NLRP4: variants seen among roughly 807,000 people sequenced by gnomAD.
NLRP4 encodes NACHT, LRR and PYD domains-containing protein 4.
In NLRP4, 44 loss-of-function variants were observed where a neutral mutation model predicts 84.7. The ratio of observed to expected loss-of-function variants is 0.52; its 90% CI spans 0.41 to 0.67. The LOEUF (loss-of-function observed/expected upper bound fraction) is 0.67, where lower values mean the gene tolerates loss of function less well. Ranked by LOEUF, NLRP4 falls within the 30% of genes least tolerant of loss-of-function variation. The pLI, the probability that NLRP4 is intolerant of heterozygous loss-of-function variation, is 0.00. For missense variants in NLRP4, 1,260 were observed against 1,219.4 expected (o/e 1.03, Z -0.50); for synonymous variants, 544 against 476.4 (o/e 1.14, Z -1.85).
chr19:55,871,846 C>CCTT (rs1555810626), intron 7 of NLRP4, among the ~76,000 whole-genome samples: 2 of 142,128 alleles, frequency 1.4e-5, no homozygotes, highest in South Asian at 4.4e-4. Context: ...CAGAAATAAT[C>CCTT]TTTTTTTTTT....
chr19:55,845,812 G>T (rs1983773412), intron 1 of NLRP4, among the ~76,000 whole-genome samples: 1 of 146,448 alleles, frequency 6.8e-6, no homozygotes, highest in Admixed American at 6.7e-5. Context: ...TTTTTTGGCT[G>T]CATAAATGTC....
intron 3 of NLRP4, among the ~76,000 whole-genome samples, chr19:55,860,098 G>T (rs1452951593): frequency 6.7e-6 from 1 of 150,046 alleles, no homozygotes; most frequent in Non-Finnish European, 1.5e-5. Flanking sequence ...CCATTCTCCT[G>T]CCTCGGCCTC....
At chr19:55,867,660 GT>G (rs753170853) in intron 5 of NLRP4, 48 bp from the exon 6 acceptor site, 2 of 1,553,492 alleles carry the variant, frequency 1.3e-6, no homozygotes, top group Admixed American at 3.4e-5. Flanking sequence ...AGAGGAATGA[GT>G]CCAGGAACTA....
intron 3 of NLRP4, among the ~76,000 whole-genome samples, chr19:55,859,462 A>C (rs777785911): frequency 6.6e-6 from 1 of 152,086 alleles, no homozygotes; most frequent in Non-Finnish European, 1.5e-5. Context: ...CCCATTACAG[A>C]AGGGGGAATA....
chr19:55,859,944 A>G (rs1304696664), intron 3 of NLRP4, among the ~76,000 whole-genome samples: 1 of 125,020 alleles, frequency 8.0e-6, no homozygotes, highest in Non-Finnish European at 1.9e-5. Flanking sequence ...AAAAAAAAAA[A>G]AAAAAAAACA....
chr19:55,861,744 A>T (rs1984765666), intron 4 of NLRP4, among the ~76,000 whole-genome samples, 197 bp downstream of exon 4: 1 of 152,160 alleles, frequency 6.6e-6, no homozygotes, highest in Non-Finnish European at 1.5e-5. Flanking sequence ...GGGTGTTAAG[A>T]TGCATCCCTG....
rs765085918 is a variant in NLRP4, at chr19:55,878,810, T to C, written c.2713T>C (p.Leu905=). ...TTATTGCAGGTTGGAAGAATGTGGG[T>C]TAACGAGCACCTGCTGTAAGGATCT... ...LEILGLEECG[L]TSTCCKDLAS... Residue 905 remains leucine, a synonymous_variant, in exon 9 of 10, where the codon TTA becomes CTA. Coordinates refer to ENST00000301295, the MANE Select transcript of NLRP4 (RefSeq NM_134444.5). 4 of 1,612,308 alleles carry C rather than the reference T, an allele frequency of 2.5e-6. No homozygotes were observed. The highest frequency in any genetic ancestry group is 2.2e-5 in the East Asian group (1 of 44,834).
chr19:55,853,054 C>G (rs2123020928), intron 2 of NLRP4, among the ~76,000 whole-genome samples: 1 of 152,296 alleles, frequency 6.6e-6, no homozygotes, highest in South Asian at 2.1e-4. Flanking sequence ...ATGTATTTAG[C>G]CAAAGTTCAC....
At chr19:55,849,928 T>A (rs1396192815) in intron 1 of NLRP4, among the ~76,000 whole-genome samples, 22 of 146,838 alleles carry the variant, frequency 1.5e-4, no homozygotes, top group African/African-American at 5.2e-4. Flanking sequence ...CGGTGTAATT[T>A]CCGTAGCCGC....
intron 1 of NLRP4, among the ~76,000 whole-genome samples, chr19:55,849,357 TA>T (rs1422024768): frequency 1.3e-5 from 2 of 152,214 alleles, no homozygotes; most frequent in African/African-American, 4.8e-5. Context: ...ACTGTAACAG[TA>T]CCGTAGACTA....
rs147621163 is a variant in NLRP4, at chr19:55,868,045, T to C, written c.2354+169T>C. 3.7e-3 allele frequency among the ~76,000 whole-genome samples: 563 copies of C among 152,340 alleles called. 7 individuals are homozygous for C. The highest frequency in any genetic ancestry group is 0.024 in the East Asian group (127 of 5,192). The stretch of plus-strand genomic sequence containing the variant: ...TCTAGTTCAGGATTTATCACGTATA[T>C]ACTGTCTTCTTAAGCAAAATATTTA... On this transcript the variant is annotated intron_variant, in intron 6 of 9. Coordinates refer to ENST00000301295, the MANE Select transcript of NLRP4 (RefSeq NM_134444.5).
intron 5 of NLRP4, among the ~76,000 whole-genome samples, chr19:55,867,307 T>C (rs1984996147): frequency 6.7e-6 from 1 of 149,346 alleles, no homozygotes; most frequent in South Asian, 2.1e-4. Context: ...AAGCCAAGTG[T>C]GCATGTAACT....
At chr19:55,857,245 A>G (rs1411487179) in intron 2 of NLRP4, among the ~76,000 whole-genome samples, 1 of 152,036 alleles carries the variant, frequency 6.6e-6, no homozygotes, top group East Asian at 1.9e-4. Context: ...GTCAAACTTT[A>G]CATAGTAGCA....
intron 5 of NLRP4, among the ~76,000 whole-genome samples, chr19:55,865,436 G>T (rs1036106293): frequency 1.3e-5 from 2 of 152,138 alleles, no homozygotes; most frequent in African/African-American, 4.8e-5. Flanking sequence ...ACAAGTGCAG[G>T]TGTCTTTATA....
At chr19:55,880,170 G>A (rs1985533405) in intron 9 of NLRP4, among the ~76,000 whole-genome samples, 1 of 84,068 alleles carries the variant, frequency 1.2e-5, no homozygotes, top group African/African-American at 4.0e-5. Context: ...AACATTCACT[G>A]ATTTTTTTTT....
intron 4 of NLRP4, 23 bp from the exon 5 acceptor site, chr19:55,861,969 C>T: frequency 6.3e-7 from 1 of 1,589,872 alleles, no homozygotes; most frequent in Non-Finnish European, 8.6e-7. Flanking sequence ...GAAACTCATC[C>T]AAAATTTTCT....
intron 1 of NLRP4, among the ~76,000 whole-genome samples, chr19:55,844,833 C>T (rs1181680087): frequency 6.6e-6 from 1 of 151,714 alleles, no homozygotes; most frequent in African/African-American, 2.4e-5. Context: ...GAAAAGAGTC[C>T]CTGGTGATTT....
chr19:55,875,359 C>T (rs1165538488), intron 7 of NLRP4, among the ~76,000 whole-genome samples: 1 of 152,150 alleles, frequency 6.6e-6, no homozygotes, highest in African/African-American at 2.4e-5. Context: ...CAGAATTAGT[C>T]TAACAAGCTT....
chr19:55,846,832 G>A (rs1456491671), intron 1 of NLRP4, among the ~76,000 whole-genome samples: 1 of 152,152 alleles, frequency 6.6e-6, no homozygotes, highest in African/African-American at 2.4e-5. Context: ...AAGACTATTG[G>A]CAAAAGCACG....
Sources: allele counts gnomAD v4.1 joint callset (sites outside exome capture counted in the v4.1 genomes callset), GRCh38; gene constraint gnomAD v4.1.1; transcripts MANE v1.5; gene names NCBI Gene and HGNC (gene_info 2026-07-23, HGNC 2026-07-21).